Variants in BCAT1 observed in about 807,000 individuals in gnomAD.
The protein encoded by BCAT1 is branched chain amino acid transaminase 1.
In BCAT1, 48 loss-of-function variants were observed where a neutral mutation model predicts 52.4. The observed-to-expected ratio is 0.92, with a 90% confidence interval of 0.73 to 1.16. BCAT1 has a LOEUF of 1.16. Ranked by LOEUF, BCAT1 falls within the 50% of genes most tolerant of loss-of-function variation. The probability of loss-of-function intolerance (pLI) is 0.00; values close to 1 mark genes in which losing one functional copy is unlikely to be tolerated. For missense variants in BCAT1, 451 were observed against 457.1 expected (o/e 0.99, Z 0.12); for synonymous variants, 167 against 161.3 (o/e 1.04, Z -0.27).
At chr12:24,878,847 T>C (rs1234943339) in intron 4 of BCAT1, among the ~76,000 whole-genome samples, 198 bp from the exon 5 acceptor site, 1 of 152,184 alleles carries the variant, frequency 6.6e-6, no homozygotes, top group East Asian at 1.9e-4. Context: ...TCATTACACA[T>C]TATATGCATG....
In BCAT1 at chr12:24,846,048, T is replaced by C. The variant is rs181913710; in HGVS notation, c.674+3738A>G. On this transcript the variant is annotated intron_variant, in intron 6 of 10. Coordinates refer to ENST00000261192, the MANE Select transcript of BCAT1 (RefSeq NM_005504.7). ...ACTGTATTAAAAAACACATAGAGAA[T>C]TCTTACAGGATGAATATTTAGCCTT... Among the ~76,000 whole-genome samples the C allele has an allele frequency of 2.9e-3, 444 of 152,304 alleles. 3 individuals carry two copies. Among genetic ancestry groups the C allele is most frequent in the African/African-American group, 9.3e-3 (388 of 41,564 alleles).
At chr12:24,852,775 T>C (rs967434746) in intron 5 of BCAT1, among the ~76,000 whole-genome samples, 2 of 152,242 alleles carry the variant, frequency 1.3e-5, no homozygotes, top group African/African-American at 4.8e-5. Context: ...TGTTTATGTA[T>C]ACTAATACTT....
chr12:24,939,760 G>A (rs2139759039), intron 1 of BCAT1, among the ~76,000 whole-genome samples: 1 of 152,284 alleles, frequency 6.6e-6, no homozygotes, highest in East Asian at 1.9e-4. Flanking sequence ...TTGAACCTGG[G>A]AGGCTGGAGA....
At chr12:24,882,155 G>T (rs567664526) in intron 3 of BCAT1, among the ~76,000 whole-genome samples, 1 of 152,300 alleles carries the variant, frequency 6.6e-6, no homozygotes, top group South Asian at 2.1e-4. Context: ...TTCCCTAACT[G>T]ATACAGAGAA....
rs369742769 is a variant in BCAT1, at chr12:24,837,387, G to A, written c.818-791C>T. Among the ~76,000 whole-genome samples the A allele has an allele frequency of 2.0e-3, 302 of 151,672 alleles. No homozygotes were observed. In the Middle Eastern group the frequency reaches 0.021, roughly 10 times the overall value. On this transcript the variant is annotated intron_variant, in intron 7 of 10. Coordinates refer to ENST00000261192, the MANE Select transcript of BCAT1 (RefSeq NM_005504.7). ...AGGAGGCTATCCCCAAGAAGTGTGC[G>A]TGCCTACTCAGGCTGGTCACTGCTT...
chr12:24,897,932 A>C lies in BCAT1; in HGVS notation c.79-3457T>G, dbSNP rs554967552. 5.3e-5 allele frequency among the ~76,000 whole-genome samples: 8 copies of C among 152,326 alleles called. 1 individual carries two copies. Among genetic ancestry groups the C allele is most frequent in the African/African-American group, 1.9e-4 (8 of 41,578 alleles). ...TGAACTTTTCTCTACTTGAAAAAAA[A>C]ATTCTGCAACTCTGAAAACTAAAAA... On this transcript the variant is annotated intron_variant, in intron 2 of 10. Coordinates refer to ENST00000261192, the MANE Select transcript of BCAT1 (RefSeq NM_005504.7).
intron 9 of BCAT1, chr12:24,830,208 GGCTAAACTTAAAGAACC>G: frequency 4.2e-6 from 1 of 238,046 alleles, no homozygotes; most frequent in Non-Finnish European, 8.1e-6. Context: ...CTAAAATAGT[GGCTAAACTTAAAGAACC>G]CTACCTCTTC....
chr12:24,901,661 T>C (rs555596947), intron 2 of BCAT1, among the ~76,000 whole-genome samples, 153 bp downstream of exon 2: 29 of 152,340 alleles, frequency 1.9e-4, no homozygotes, highest in African/African-American at 1.9e-4. Context: ...CTAAATGGCT[T>C]TTTTTCCTCT....
rs767533591 is a variant in BCAT1 at position 24,849,935 on chromosome 12, G to A, written c.525C>T (p.Val175=). 1.9e-6 allele frequency: 3 copies of A among 1,608,080 alleles called. No individual in the cohort carries two copies. The highest frequency in any genetic ancestry group is 2.2e-5 in the East Asian group (1 of 44,746). ...TFIGTEPSLG[V]KKPTKALLFV... ...AGAGCAGGGCTTTGGTAGGCTTCTT[G>A]ACTCCAAGAGAAGGCTGCAACAAAG... Residue 175 remains valine, a synonymous_variant, in exon 6 of 11, where the codon GTC becomes GTT. Transcript: ENST00000261192.
At chr12:24,857,164 G>C (rs1941713367) in intron 5 of BCAT1, among the ~76,000 whole-genome samples, 1 of 152,288 alleles carries the variant, frequency 6.6e-6, no homozygotes, top group Admixed American at 6.5e-5. Flanking sequence ...TTTCTGGTTT[G>C]ATATCTATGT....
At chr12:24,896,948 G>A (rs145104433) in intron 2 of BCAT1, among the ~76,000 whole-genome samples, 2,453 of 152,264 alleles carry the variant, frequency 0.016, 41 homozygotes, top group Non-Finnish European at 0.025. Flanking sequence ...AGATGTCCAG[G>A]ATTTAAAGAG....
chr12:24,888,708 G>C (rs1335863942), intron 3 of BCAT1, among the ~76,000 whole-genome samples: 1 of 152,150 alleles, frequency 6.6e-6, no homozygotes, highest in Non-Finnish European at 1.5e-5. Flanking sequence ...ACACTTCCTA[G>C]ATTCCTATGA....
intron 1 of BCAT1, among the ~76,000 whole-genome samples, chr12:24,917,250 C>G (rs1422601936): frequency 1.4e-5 from 2 of 142,026 alleles, no homozygotes; most frequent in Non-Finnish European, 3.0e-5. Context: ...GCGATCTCGG[C>G]TCACTGCAAG....
intron 1 of BCAT1, chr12:24,903,251 C>T (rs1943166106): frequency 1.6e-6 from 1 of 624,310 alleles, no homozygotes; most frequent in African/African-American, 1.9e-5. Flanking sequence ...ACCGGGGTCG[C>T]TTGCGGAGGC....
chr12:24,857,346 C>A (rs1437666664), intron 5 of BCAT1, among the ~76,000 whole-genome samples: 1 of 152,156 alleles, frequency 6.6e-6, no homozygotes, highest in African/African-American at 2.4e-5. Context: ...TTAGTTAAGG[C>A]TTATTGGTTT....
intron 1 of BCAT1, among the ~76,000 whole-genome samples, chr12:24,906,912 T>C (rs149302217): frequency 9.2e-5 from 14 of 152,320 alleles, no homozygotes; most frequent in African/African-American, 3.4e-4. Flanking sequence ...GCCTTGCTTC[T>C]CTTTAAGCCA....
chr12:24,872,872 G>A (rs1942220014), intron 5 of BCAT1, among the ~76,000 whole-genome samples: 2 of 152,370 alleles, frequency 1.3e-5, no homozygotes, highest in South Asian at 4.1e-4. Flanking sequence ...GAGAGAGTGG[G>A]TGGGATGAAA....
At chr12:24,908,992 G>A (rs1943271016) in intron 1 of BCAT1, among the ~76,000 whole-genome samples, 1 of 152,108 alleles carries the variant, frequency 6.6e-6, no homozygotes, top group Non-Finnish European at 1.5e-5. Context: ...GCAGTACTTA[G>A]CACTTAGTAA....
At chr12:24,936,768 T>A (rs948777782) in intron 1 of BCAT1, among the ~76,000 whole-genome samples, 1 of 109,976 alleles carries the variant, frequency 9.1e-6, no homozygotes, top group African/African-American at 2.9e-5. Flanking sequence ...CACACACCCC[T>A]TTGCTTCCAC....
Sources: allele counts gnomAD v4.1 joint callset (sites outside exome capture counted in the v4.1 genomes callset), GRCh38; gene constraint gnomAD v4.1.1; transcripts MANE v1.5; gene names NCBI Gene and HGNC (gene_info 2026-07-23, HGNC 2026-07-21).